GPATCH2: variants seen among roughly 807,000 people sequenced by gnomAD.
The protein encoded by GPATCH2 is G-patch domain containing 2.
GPATCH2 carries 51 observed loss-of-function variants against 58.0 expected under a neutral mutation model. The observed-to-expected ratio is 0.88, with a 90% CI of 0.70 to 1.11. GPATCH2 has a LOEUF of 1.11. Among genes scored for constraint, GPATCH2 ranks in the 50% most tolerant of loss-of-function variants. The pLI is 0.00. For missense variants in GPATCH2, 625 were observed against 652.2 expected, an observed-to-expected ratio of 0.96 and a Z score of 0.45; for synonymous variants, 222 against 218.5, an observed-to-expected ratio of 1.02 and a Z score of -0.14.
At chr1:217,566,876 A>C (rs556562043) in intron 5 of GPATCH2, among the ~76,000 whole-genome samples, 1 of 152,332 alleles carries the variant, frequency 6.6e-6, no homozygotes, top group Admixed American at 6.5e-5. Flanking sequence ...AAACTTCACA[A>C]TTTTAAAAAT....
intron 8 of GPATCH2, among the ~76,000 whole-genome samples, chr1:217,466,610 C>T (rs1051292131): frequency 1.3e-5 from 2 of 152,042 alleles, no homozygotes; most frequent in African/African-American, 4.8e-5. Flanking sequence ...GAAAGGAGGG[C>T]ACATGAGGCC....
intron 5 of GPATCH2, among the ~76,000 whole-genome samples, chr1:217,516,703 T>C (rs1267567282): frequency 6.6e-6 from 1 of 152,228 alleles, no homozygotes; most frequent in African/African-American, 2.4e-5. Flanking sequence ...ACTTATTTCC[T>C]TTGCCAAGGC....
intron 5 of GPATCH2, among the ~76,000 whole-genome samples, chr1:217,539,997 T>C (rs1558469505): frequency 6.6e-6 from 1 of 152,186 alleles, no homozygotes; most frequent in Admixed American, 6.6e-5. Context: ...GACATAAAAA[T>C]TGCCTATGAT....
intron 8 of GPATCH2, among the ~76,000 whole-genome samples, chr1:217,462,643 A>G (rs77229923): frequency 2.0e-5 from 3 of 152,262 alleles, no homozygotes; most frequent in South Asian, 2.1e-4. Context: ...TGGAAATTCA[A>G]TGAGTTAAAA....
chr1:217,605,023 C>CAAAATAAAAT (rs368892916), intron 5 of GPATCH2, among the ~76,000 whole-genome samples: 7 of 151,590 alleles, frequency 4.6e-5, no homozygotes, highest in African/African-American at 1.5e-4. Flanking sequence ...GGCTCTGTCT[C>CAAAATAAAAT]AAAATAAAAT....
chr1:217,536,944 C>T (rs1664504127), intron 5 of GPATCH2, among the ~76,000 whole-genome samples: 1 of 152,110 alleles, frequency 6.6e-6, no homozygotes, highest in East Asian at 1.9e-4. Context: ...TGCACTCCAG[C>T]CTGGGTGACA....
chr1:217,596,825 T>C (rs1667853519), intron 5 of GPATCH2, among the ~76,000 whole-genome samples: 1 of 152,156 alleles, frequency 6.6e-6, no homozygotes, highest in African/African-American at 2.4e-5. Context: ...GGATACTTTC[T>C]GTCTATCTGA....
intron 8 of GPATCH2, among the ~76,000 whole-genome samples, chr1:217,467,123 G>A (rs1437668768): frequency 6.6e-6 from 1 of 152,186 alleles, no homozygotes; most frequent in Non-Finnish European, 1.5e-5. Flanking sequence ...GTTGCAGTGA[G>A]CCAAGATCAT....
chr1:217,455,016 G>A (rs1571730058), intron 8 of GPATCH2, among the ~76,000 whole-genome samples: 1 of 152,168 alleles, frequency 6.6e-6, no homozygotes, highest in Non-Finnish European at 1.5e-5. Context: ...CTTTGCATTT[G>A]GTATCGTGGA....
intron 5 of GPATCH2, among the ~76,000 whole-genome samples, chr1:217,524,394 G>A (rs1558457304): frequency 6.7e-6 from 1 of 150,262 alleles, no homozygotes; most frequent in Non-Finnish European, 1.5e-5. Flanking sequence ...GCCAGGCAGA[G>A]GGGCTCCTCA....
intron 5 of GPATCH2, among the ~76,000 whole-genome samples, chr1:217,583,567 T>A (rs573180389): frequency 7.3e-5 from 8 of 109,706 alleles, no homozygotes; most frequent in African/African-American, 1.9e-4. Context: ...CAAGACTCTG[T>A]CTCAAAAAAA....
At chr1:217,471,679 C>A (rs2102502875) in intron 8 of GPATCH2, among the ~76,000 whole-genome samples, 1 of 152,078 alleles carries the variant, frequency 6.6e-6, no homozygotes, top group African/African-American at 2.4e-5. Flanking sequence ...GTGATGAGAT[C>A]TGTTTTGTTT....
At chr1:217,519,901 G>T (rs937112035) in intron 5 of GPATCH2, among the ~76,000 whole-genome samples, 6 of 152,016 alleles carry the variant, frequency 3.9e-5, no homozygotes, top group Non-Finnish European at 8.8e-5. Context: ...TAGTTATATT[G>T]TTCACCTGAA....
intron 9 of GPATCH2, among the ~76,000 whole-genome samples, chr1:217,435,556 A>C (rs1173545837): frequency 1.3e-5 from 2 of 152,024 alleles, no homozygotes; most frequent in Non-Finnish European, 2.9e-5. Flanking sequence ...CAGCTAGTGC[A>C]CTCCGCCTCT....
intron 5 of GPATCH2, among the ~76,000 whole-genome samples, chr1:217,584,753 G>GA (rs1317906738): frequency 4.6e-5 from 7 of 151,324 alleles, no homozygotes; most frequent in Admixed American, 1.3e-4. Flanking sequence ...ATACTAGAAG[G>GA]AAAAAAAACT....
chr1:217,461,290 A>G (rs1660186624), intron 8 of GPATCH2, among the ~76,000 whole-genome samples: 1 of 152,130 alleles, frequency 6.6e-6, no homozygotes, highest in Non-Finnish European at 1.5e-5. Flanking sequence ...TCAATTGGAA[A>G]CCTATGACAC....
intron 6 of GPATCH2, among the ~76,000 whole-genome samples, chr1:217,503,339 A>G (rs1006804191): frequency 1.4e-4 from 21 of 152,100 alleles, no homozygotes; most frequent in Admixed American, 1.1e-3. Flanking sequence ...AGCAGAAGGG[A>G]CTATACTGTA....
intron 5 of GPATCH2, among the ~76,000 whole-genome samples, chr1:217,565,822 C>T (rs183849709): frequency 7.2e-4 from 109 of 152,240 alleles, no homozygotes; most frequent in Middle Eastern, 6.8e-3. Flanking sequence ...GATCTCTAGG[C>T]CAGGCGCAGT....
At chr1:217,557,339 G>A (rs1665688007) in intron 5 of GPATCH2, among the ~76,000 whole-genome samples, 1 of 151,070 alleles carries the variant, frequency 6.6e-6, no homozygotes, top group Non-Finnish European at 1.5e-5. Context: ...CCCAGGAGGT[G>A]GAGGTTGCAG....
Sources: gnomAD v4.1 joint callset for allele counts (sites outside exome capture counted in the v4.1 genomes callset) on GRCh38, gnomAD v4.1.1 for gene constraint, MANE v1.5 for transcripts, NCBI Gene and HGNC (gene_info 2026-07-23, HGNC 2026-07-21) for gene names.